Variants in SLC9B1 observed in about 807,000 individuals in gnomAD.
SLC9B1 encodes solute carrier family 9 member B1, also known as sodium/hydrogen exchanger 9B1.
SLC9B1 carries 32 observed loss-of-function variants against 51.7 expected under a neutral mutation model. The ratio of observed to expected loss-of-function variants is 0.62; its 90% confidence interval spans 0.47 to 0.83. The LOEUF is 0.83. Among genes scored for constraint, SLC9B1 ranks in the 40% least tolerant of loss-of-function variants. The pLI is 0.00. For synonymous variants in SLC9B1, 145 were observed against 212.7 expected (o/e 0.68, Z 2.77); for missense variants, 406 against 613.2 (o/e 0.66, Z 3.57).
chr4:102,994,948 A>T (rs1578408318), intron 1 of SLC9B1, among the ~76,000 whole-genome samples: 1 of 152,174 alleles, frequency 6.6e-6, no homozygotes, highest in East Asian at 1.9e-4. Flanking sequence ...TTGGGTGGGG[A>T]CACAGAATCA....
intron 11 of SLC9B1, chr4:102,888,838 C>A (rs1234272461): frequency 6.6e-6 from 1 of 152,194 alleles, no homozygotes; most frequent in African/African-American, 2.4e-5. Context: ...TCACTGAGTG[C>A]GTTTCTGAGA....
chr4:103,018,141 A>G (rs1269727010), intron 1 of SLC9B1, among the ~76,000 whole-genome samples: 3 of 152,238 alleles, frequency 2.0e-5, no homozygotes, highest in African/African-American at 7.2e-5. Flanking sequence ...TAACCAACAG[A>G]AGTGTTTAAA....
chr4:103,008,801 T>TTC (rs1553912932), intron 1 of SLC9B1, among the ~76,000 whole-genome samples: 14 of 143,434 alleles, frequency 9.8e-5, no homozygotes, highest in African/African-American at 3.8e-4. Context: ...CAGTTTCTTT[T>TTC]TTTTTTTTTT....
At chr4:102,956,947 T>C (rs1036937047) in intron 3 of SLC9B1, among the ~76,000 whole-genome samples, 1 of 152,138 alleles carries the variant, frequency 6.6e-6, no homozygotes, top group African/African-American at 2.4e-5. Flanking sequence ...AATATGATAA[T>C]GTGCTGTCTA....
chr4:102,913,796 T>TAAAAAAAAAAAAAAAAAAAA (rs61244946), intron 7 of SLC9B1, among the ~76,000 whole-genome samples: 3 of 71,450 alleles, frequency 4.2e-5, no homozygotes, highest in African/African-American at 1.1e-4. Context: ...AGATAGAAAC[T>TAAAAAAAAAAAAAAAAAAAA]AAAAAAAAAA....
intron 1 of SLC9B1, among the ~76,000 whole-genome samples, chr4:102,993,415 C>A (rs532141725): frequency 6.6e-6 from 1 of 152,222 alleles, no homozygotes. Flanking sequence ...ATCCAGGTCA[C>A]GCTGATGCAA....
intron 7 of SLC9B1, among the ~76,000 whole-genome samples, chr4:102,914,143 G>A (rs1463257818): frequency 2.6e-5 from 4 of 151,296 alleles, no homozygotes; most frequent in Admixed American, 6.6e-5. Context: ...AATCATAGGG[G>A]GTTGAAGTGA....
At chr4:103,018,960 G>C (rs1308461555) in intron 1 of SLC9B1, among the ~76,000 whole-genome samples, 3 of 152,162 alleles carry the variant, frequency 2.0e-5, no homozygotes. Context: ...GCATGTGAGG[G>C]ATCTAAATTG....
At chr4:102,899,640 C>T (rs1212715162), downstream of SLC9B1, among the ~76,000 whole-genome samples, 1 of 152,082 alleles carries the variant, frequency 6.6e-6, no homozygotes, top group Non-Finnish European at 1.5e-5. Flanking sequence ...TCTCGAACTC[C>T]TGACCTCGTG....
intron 6 of SLC9B1, among the ~76,000 whole-genome samples, chr4:102,932,890 G>T (rs1426527020): frequency 1.3e-5 from 2 of 152,124 alleles, no homozygotes; most frequent in Middle Eastern, 3.2e-3. Flanking sequence ...AGTAAGTAAG[G>T]AAGGAAGGAA....
intron 7 of SLC9B1, among the ~76,000 whole-genome samples, chr4:102,928,988 C>A (rs1736320911): frequency 6.6e-6 from 1 of 152,160 alleles, no homozygotes; most frequent in Non-Finnish European, 1.5e-5. Flanking sequence ...CTTCTGCCTG[C>A]TTTATTCTAG....
At chr4:102,919,489 C>T (rs1004695196) in intron 7 of SLC9B1, among the ~76,000 whole-genome samples, 4 of 152,104 alleles carry the variant, frequency 2.6e-5, no homozygotes, top group South Asian at 2.1e-4. Flanking sequence ...CCAGCATGAT[C>T]GACGCAGAAG....
intron 7 of SLC9B1, among the ~76,000 whole-genome samples, chr4:102,919,184 C>T (rs1030197919): frequency 2.0e-5 from 3 of 152,172 alleles, no homozygotes; most frequent in African/African-American, 4.8e-5. Context: ...AATTAACATT[C>T]GGCTCCTTGT....
chr4:102,991,643 C>T lies in SLC9B1; in HGVS notation c.69G>A (p.Gln23=). The T allele has an allele frequency of 2.5e-6, 4 of 1,573,796 alleles. No homozygotes were observed. Among genetic ancestry groups the T allele is most frequent in the Non-Finnish European group, 3.5e-6 (4 of 1,156,862 alleles). The part of the protein sequence containing the change: ...DENFQTSTTP[Q]SLIDPNNTAQ... ...TTACAGTATACTTTTAAGTTTTTAC[C>T]TGAGGAGTTGTAGATGTTTGGAAGT... Residue 23 remains glutamine, a splice_region_variant and synonymous_variant, in exon 2 of 12, where the codon CAG becomes CAA. Coordinates refer to ENST00000296422, the MANE Select transcript of SLC9B1 (RefSeq NM_139173.4).
chr4:102,989,222 TG>T (rs768865803), intron 3 of SLC9B1, among the ~76,000 whole-genome samples: 23 of 152,082 alleles, frequency 1.5e-4, no homozygotes, highest in Non-Finnish European at 2.7e-4. Context: ...ATCAATTTTT[TG>T]TTCTCTATAG....
chr4:103,017,720 G>A (rs1157684193), intron 1 of SLC9B1, among the ~76,000 whole-genome samples: 1 of 152,100 alleles, frequency 6.6e-6, no homozygotes, highest in Non-Finnish European at 1.5e-5. Context: ...CTTCTTCACT[G>A]TGCTTACTAT....
chr4:103,005,274 A>C (rs1447363353), intron 1 of SLC9B1, among the ~76,000 whole-genome samples: 3 of 151,040 alleles, frequency 2.0e-5, no homozygotes, highest in Non-Finnish European at 2.9e-5. Context: ...AAAAAAAAAA[A>C]AAACCAGAAA....
intron 3 of SLC9B1, among the ~76,000 whole-genome samples, chr4:102,977,187 T>C (rs1231387433): frequency 1.3e-5 from 2 of 149,108 alleles, no homozygotes; most frequent in African/African-American, 4.9e-5. Context: ...ATTATGGAAG[T>C]GGAATTGATA....
At chr4:102,904,277 C>T (rs1273800403) in intron 11 of SLC9B1, among the ~76,000 whole-genome samples, 2 of 151,730 alleles carry the variant, frequency 1.3e-5, no homozygotes, top group African/African-American at 4.8e-5. Context: ...TCAGGCTGGT[C>T]TTGAACTCCT....
Sources: gnomAD v4.1 joint callset for allele counts (sites outside exome capture counted in the v4.1 genomes callset) on GRCh38, gnomAD v4.1.1 for gene constraint, MANE v1.5 for transcripts, NCBI Gene and HGNC (gene_info 2026-07-23, HGNC 2026-07-21) for gene names.